CCNY: variants seen among roughly 807,000 people sequenced by gnomAD.
CCNY encodes the protein cyclin Y, also known as cyclin-Y.
In CCNY, 19 loss-of-function variants were observed where a neutral mutation model predicts 42.8. The ratio of observed to expected loss-of-function variants is 0.44; its 90% CI spans 0.31 to 0.65. The LOEUF is 0.65. Ranked by LOEUF, CCNY falls within the 30% of genes least tolerant of loss-of-function variation. The pLI is 0.07. For synonymous variants in CCNY, 165 were observed against 162.7 expected (o/e 1.01, Z -0.11); for missense variants, 370 against 437.3 (o/e 0.85, Z 1.37).
intron 1 of CCNY, among the ~76,000 whole-genome samples, chr10:35,457,500 A>G (rs376125858): frequency 5.3e-5 from 8 of 152,258 alleles, no homozygotes; most frequent in South Asian, 2.1e-4. Flanking sequence ...ATCAGTTGCA[A>G]TGGTACCATA....
chr10:35,534,503 C>CCTT (rs773669288), intron 7 of CCNY, among the ~76,000 whole-genome samples: 1 of 152,156 alleles, frequency 6.6e-6, no homozygotes, highest in Non-Finnish European at 1.5e-5. Flanking sequence ...GGAAGGGGAA[C>CCTT]CAAGAAGAGA....
intron 1 of CCNY, among the ~76,000 whole-genome samples, chr10:35,449,570 G>A (rs1457120557): frequency 6.6e-6 from 1 of 151,880 alleles, no homozygotes; most frequent in Admixed American, 6.6e-5. Context: ...GCTGTAGTTC[G>A]GTTTTTGGAA....
chr10:35,473,556 A>G (rs1839434188), intron 1 of CCNY, among the ~76,000 whole-genome samples: 1 of 152,058 alleles, frequency 6.6e-6, no homozygotes. Context: ...GGTGAGGGAT[A>G]TGTGATTTTG....
intron 1 of CCNY, among the ~76,000 whole-genome samples, chr10:35,421,285 A>G (rs1838153373): frequency 6.6e-6 from 1 of 152,130 alleles, no homozygotes; most frequent in African/African-American, 2.4e-5. Flanking sequence ...CTTCTCTTCC[A>G]CATGAGCTCC....
intron 1 of CCNY, among the ~76,000 whole-genome samples, chr10:35,443,754 A>G (rs772365972): frequency 2.6e-4 from 40 of 152,246 alleles, no homozygotes; most frequent in South Asian, 4.1e-4. Flanking sequence ...GCATACCTGT[A>G]CAGGCCCAAG....
intron 3 of CCNY, among the ~76,000 whole-genome samples, chr10:35,309,820 G>T (rs751089814): frequency 6.7e-6 from 1 of 149,922 alleles, no homozygotes; most frequent in Non-Finnish European, 1.5e-5. Context: ...TTTATTTAGA[G>T]ACAGAGTCTC....
Position 35,567,221 on chromosome 10 carries a change from T to C in CCNY, c.909+1036T>C, listed in dbSNP as rs182967341. Among the ~76,000 whole-genome samples the C allele has an allele frequency of 3.2e-3, 483 of 152,362 alleles. 3 individuals carry two copies. The highest frequency in any genetic ancestry group is 0.011 in the African/African-American group (456 of 41,578). On this transcript the variant is annotated intron_variant, in intron 9 of 9. Transcript: ENST00000374704. Reference sequence around the variant, plus strand: ...TTTTATTTTTTTTCCAAAATACCTTTTCCATAGCCCAGTTAGAGCTGAGGG... The same window carrying C: ...TTTTATTTTTTTTCCAAAATACCTTCTCCATAGCCCAGTTAGAGCTGAGGG...
Position 35,336,844 on chromosome 10 carries a change from T to TCGCCGCCGCCGCCGCCGCCGC in CCNY, c.-208_-188dup, listed in dbSNP as rs570914308. 6.7e-6 allele frequency: 1 copy of TCGCCGCCGCCGCCGCCGCCGC among 149,506 alleles called. No individual in the cohort carries two copies. Among genetic ancestry groups the TCGCCGCCGCCGCCGCCGCCGC allele is most frequent in the Non-Finnish European group, 1.4e-5 (1 of 69,268 alleles). The allele number at this position is 149,506 out of a possible 1,614,324, so 9.3% of individuals were successfully genotyped here. A position where few individuals can be genotyped will look rare whatever the true frequency, so the allele number is the denominator to read the frequency against. ...GGGAGCCGGGGCCGTCGCCCGCTCG[T>TCGCCGCCGCCGCCGCCGCCGC]CGCCGCCGCCGCCGCCGCCGCCCAT... On this transcript the variant is annotated 5_prime_UTR_variant, in exon 1 of 10. Transcript: ENST00000374704.
intron 1 of CCNY, among the ~76,000 whole-genome samples, chr10:35,343,382 CTTTTT>C (rs9299720): frequency 9.3e-5 from 8 of 85,914 alleles, no homozygotes; most frequent in African/African-American, 2.0e-4. Context: ...AGCTGATGGT[CTTTTT>C]TTTTTTTTTT....
At chr10:35,298,657 C>T in intron 3 of CCNY, among the ~76,000 whole-genome samples, 1 of 152,170 alleles carries the variant, frequency 6.6e-6, no homozygotes, top group Non-Finnish European at 1.5e-5. Context: ...GCTAGGACTA[C>T]AAGTGAGGGC....
intron 3 of CCNY, among the ~76,000 whole-genome samples, chr10:35,264,128 C>T (rs2095722521): frequency 6.6e-6 from 1 of 152,114 alleles, no homozygotes. Context: ...GTGAATAGTC[C>T]TGTAGTGAAC....
At chr10:35,379,653 T>C (rs377333439) in intron 1 of CCNY, among the ~76,000 whole-genome samples, 1 of 152,204 alleles carries the variant, frequency 6.6e-6, no homozygotes. Context: ...TTCAGCTGAT[T>C]TAGAATGTTG....
Position 35,366,472 on chromosome 10 carries a change from A to T in CCNY, c.154+29265A>T, listed in dbSNP as rs1477783932. On this transcript the variant is annotated intron_variant, in intron 1 of 9. Transcript: ENST00000374704. ...ATTGGACTAAGTCTAATATTTGCAG[A>T]TTTCAACTTTAAAGGATATTACTTG... Among the ~76,000 whole-genome samples the T allele has an allele frequency of 5.9e-5, 9 of 152,330 alleles. 1 individual carries two copies. In the East Asian group the frequency reaches 1.7e-3, roughly 29 times the overall value.
At chr10:35,278,841 C>T (rs567014588) in intron 3 of CCNY, among the ~76,000 whole-genome samples, 1 of 152,240 alleles carries the variant, frequency 6.6e-6, no homozygotes, top group African/African-American at 2.4e-5. Context: ...GCACTGGCCC[C>T]GAGAGGGGAT....
chr10:35,303,868 G>GA, intron 3 of CCNY, among the ~76,000 whole-genome samples: 2 of 149,144 alleles, frequency 1.3e-5, no homozygotes. Flanking sequence ...ATGTCAAATA[G>GA]AAAAAAACCT....
At chr10:35,336,131 A>T (rs1336840997), upstream of CCNY, 1 of 152,226 alleles carries the variant, frequency 6.6e-6, no homozygotes, top group African/African-American at 2.4e-5. Flanking sequence ...CCGGTTTCGG[A>T]GAGGCAGGTG....
intron 8 of CCNY, among the ~76,000 whole-genome samples, chr10:35,555,374 A>C (rs1841343249): frequency 6.6e-6 from 1 of 152,214 alleles, no homozygotes; most frequent in South Asian, 2.1e-4. Flanking sequence ...GGGTAAAGTA[A>C]CAGGTCATTT....
At position 35,304,317 on chromosome 10, in the gene CCNY, TA is replaced by T. The variant is rs149979594; in HGVS notation, c.-9+53692del. Among the ~76,000 whole-genome samples, 14 of 107,942 alleles carry T rather than the reference TA, an allele frequency of 1.3e-4. 3 individuals are homozygous for T. The highest frequency in any genetic ancestry group is 3.2e-4 in the South Asian group (1 of 3,146). 70.8% of individuals were successfully genotyped at this position (107,942 alleles called of 152,430 possible). A position where few individuals can be genotyped will look rare whatever the true frequency, so the allele number is the denominator to read the frequency against. On this transcript the variant is annotated intron_variant, in intron 3 of 11. Transcript: ENST00000374706. ...TTATTTTTTTTTTTTTTTTATTTTT[TA>T]TTTTTTTTTGAGACGGAGTCTCGCT...
chr10:35,428,994 T>C (rs1202936153), intron 1 of CCNY, among the ~76,000 whole-genome samples: 6 of 152,218 alleles, frequency 3.9e-5, no homozygotes, highest in Admixed American at 3.9e-4. Flanking sequence ...TATTTAGTTG[T>C]AATAATTTTT....
Sources: gnomAD v4.1 joint callset for allele counts (sites outside exome capture counted in the v4.1 genomes callset) on GRCh38, gnomAD v4.1.1 for gene constraint, MANE v1.5 for transcripts, NCBI Gene and HGNC (gene_info 2026-07-23, HGNC 2026-07-21) for gene names.